DAB1: variants seen among roughly 807,000 people sequenced by gnomAD.
DAB1 encodes DAB adaptor protein 1.
DAB1 carries 15 observed loss-of-function variants against 64.6 expected under a neutral mutation model. The ratio of observed to expected loss-of-function variants is 0.23; its 90% CI spans 0.16 to 0.36. The LOEUF (loss-of-function observed/expected upper bound fraction) is 0.36, where lower values mean the gene tolerates loss of function less well. DAB1 is among the 10% of genes least tolerant of loss of function. The pLI, the probability that DAB1 is intolerant of heterozygous loss-of-function variation, is 1.00. For missense variants in DAB1, 596 were observed against 706.7 expected, an observed-to-expected ratio of 0.84 and a Z score of 1.78; for synonymous variants, 235 against 251.9, an observed-to-expected ratio of 0.93 and a Z score of 0.64.
At chr1:58,472,636 A>C (rs377083157) in intron 3 of DAB1, among the ~76,000 whole-genome samples, 25 of 152,218 alleles carry the variant, frequency 1.6e-4, no homozygotes, top group East Asian at 9.6e-4. Flanking sequence ...CATTTGAAAT[A>C]GTTCAAAGAA....
intron 4 of DAB1, among the ~76,000 whole-genome samples, chr1:57,073,372 G>T (rs773636403): frequency 2.0e-5 from 3 of 152,170 alleles, no homozygotes; most frequent in Non-Finnish European, 4.4e-5. Flanking sequence ...AACTGAGATT[G>T]ATAATTAGTA....
chr1:58,093,631 C>A (rs551686788), intron 5 of DAB1, among the ~76,000 whole-genome samples: 3 of 151,504 alleles, frequency 2.0e-5, no homozygotes, highest in African/African-American at 4.8e-5. Context: ...TTCCATTAAA[C>A]TGGTCCCTGG....
rs573508757 is a variant in DAB1 at position 57,369,824 on chromosome 1, A to G, written c.-137+54106T>C. 2.6e-4 allele frequency among the ~76,000 whole-genome samples: 40 copies of G among 152,338 alleles called. No homozygotes were observed. In the South Asian group the frequency reaches 3.7e-3, roughly 14 times the overall value. ...CTCAAGAAAGGGTATATATGAGTACAATGAAAGTTAAGTGTTATAACGATC... is the reference window on the plus strand; with the variant it reads ...CTCAAGAAAGGGTATATATGAGTACGATGAAAGTTAAGTGTTATAACGATC... On this transcript the variant is annotated intron_variant, in intron 1 of 14. Coordinates refer to ENST00000371236, the MANE Select transcript of DAB1 (RefSeq NM_001365792.1).
At chr1:57,491,353 G>A (rs1052704221) in intron 7 of DAB1, among the ~76,000 whole-genome samples, 2 of 152,064 alleles carry the variant, frequency 1.3e-5, no homozygotes, top group Admixed American at 6.6e-5. Flanking sequence ...GCGTGAACCC[G>A]GGAGGCGGAG....
Position 57,406,409 on chromosome 1 carries a change from G to A in DAB1, c.-137+17521C>T, listed in dbSNP as rs538665437. ...ATTATTTGTTTATTTGTGCTTCCCT[G>A]TCTCTTCCTGGGTCTTGTGGGAAAA... is the stretch of plus-strand genomic sequence containing the variant. On this transcript the variant is annotated intron_variant, in intron 1 of 14. Coordinates refer to ENST00000371236, the MANE Select transcript of DAB1 (RefSeq NM_001365792.1). Among the ~76,000 whole-genome samples, 5 of 152,120 alleles carry A rather than the reference G, an allele frequency of 3.3e-5. No individual in the cohort carries two copies. In the South Asian group the frequency reaches 1.0e-3, roughly 32 times the overall value.
At chr1:57,603,413 T>C (rs1264142204) in intron 7 of DAB1, among the ~76,000 whole-genome samples, 1 of 152,226 alleles carries the variant, frequency 6.6e-6, no homozygotes, top group East Asian at 1.9e-4. Flanking sequence ...CTTGAACACT[T>C]AAACTCAGTG....
chr1:57,635,091 G>A (rs565336320), intron 7 of DAB1, among the ~76,000 whole-genome samples: 1 of 152,148 alleles, frequency 6.6e-6, no homozygotes, highest in Non-Finnish European at 1.5e-5. Flanking sequence ...AGCAGCTAAC[G>A]GAGGTGAGGA....
In DAB1 at chr1:58,146,451, G is replaced by A. The variant is rs1654599096; in HGVS notation, n.387+4060C>T. On this transcript the variant is annotated intron_variant and non_coding_transcript_variant, in intron 5 of 20. Transcript: ENST00000485760. ...TCAAGCTGTACATCAGATTTCTAGA[G>A]TTATTCATCCTGCATTACTGCAAGT... is the stretch of plus-strand genomic sequence containing the variant. Among the ~76,000 whole-genome samples the A allele has an allele frequency of 2.6e-5, 4 of 152,142 alleles. No homozygotes were observed. In the South Asian group the frequency reaches 8.3e-4, roughly 31 times the overall value.
At chr1:57,449,379 A>G (rs537648402) in intron 7 of DAB1, among the ~76,000 whole-genome samples, 35 of 137,904 alleles carry the variant, frequency 2.5e-4, no homozygotes, top group African/African-American at 9.3e-4. Flanking sequence ...TTTAGTGTCT[A>G]TCTGCTTTTT....
chr1:57,438,362 G>A (rs1234539651), intron 7 of DAB1, among the ~76,000 whole-genome samples: 1 of 152,144 alleles, frequency 6.6e-6, no homozygotes, highest in Non-Finnish European at 1.5e-5. Flanking sequence ...AAAATAGGGT[G>A]GGTAAGGCTT....
chr1:57,893,331 G>GA (rs1478085923), intron 5 of DAB1, among the ~76,000 whole-genome samples: 1 of 152,070 alleles, frequency 6.6e-6, no homozygotes, highest in African/African-American at 2.4e-5. Context: ...TTCTAGGGGA[G>GA]AAAATACAGA....
intron 4 of DAB1, among the ~76,000 whole-genome samples, chr1:57,132,954 A>T (rs963389264): frequency 4.6e-5 from 7 of 152,174 alleles, no homozygotes; most frequent in Middle Eastern, 3.4e-3. Context: ...TATTAGTAAC[A>T]CCTCACTAGT....
intron 5 of DAB1, among the ~76,000 whole-genome samples, chr1:57,916,181 G>A (rs1017864178): frequency 6.6e-6 from 1 of 152,172 alleles, no homozygotes; most frequent in African/African-American, 2.4e-5. Flanking sequence ...AATCTGGGCT[G>A]TAACACAGCC....
intron 7 of DAB1, among the ~76,000 whole-genome samples, chr1:57,568,448 C>G (rs1045177221): frequency 9.9e-5 from 15 of 152,172 alleles, no homozygotes; most frequent in African/African-American, 3.4e-4. Flanking sequence ...AACTAAAGAG[C>G]TTCTGCATAG....
chr1:57,685,553 A>G (rs1452362536), intron 6 of DAB1, among the ~76,000 whole-genome samples: 1 of 152,204 alleles, frequency 6.6e-6, no homozygotes, highest in African/African-American at 2.4e-5. Flanking sequence ...CACTAGACCA[A>G]TTGGACCTAA....
At chr1:57,932,468 A>ATTTTTTTT (rs61202343) in intron 5 of DAB1, among the ~76,000 whole-genome samples, 2 of 143,502 alleles carry the variant, frequency 1.4e-5, no homozygotes, top group Non-Finnish European at 3.0e-5. Flanking sequence ...AGCCCAGCTA[A>ATTTTTTTT]TTTTTTTTTT....
At chr1:58,290,316 A>G (rs1661784667) in intron 4 of DAB1, among the ~76,000 whole-genome samples, 1 of 152,182 alleles carries the variant, frequency 6.6e-6, no homozygotes, top group African/African-American at 2.4e-5. Flanking sequence ...ATTGTGAGCA[A>G]GGTGTGGGTA....
At chr1:57,557,167 T>C (rs1379680880) in intron 7 of DAB1, among the ~76,000 whole-genome samples, 1 of 152,098 alleles carries the variant, frequency 6.6e-6, no homozygotes, top group East Asian at 1.9e-4. Context: ...TTAATCTGGG[T>C]GGGCACAATC....
chr1:57,243,068 A>G (rs925781734), intron 2 of DAB1, among the ~76,000 whole-genome samples: 3 of 152,118 alleles, frequency 2.0e-5, no homozygotes, highest in African/African-American at 7.2e-5. Flanking sequence ...TAAAGCGGAT[A>G]CTCTGAGGTT....
Sources: allele counts gnomAD v4.1 joint callset (sites outside exome capture counted in the v4.1 genomes callset), GRCh38; gene constraint gnomAD v4.1.1; transcripts MANE v1.5; gene names NCBI Gene and HGNC (gene_info 2026-07-23, HGNC 2026-07-21).